Variants in CRIPT observed in about 807,000 individuals in gnomAD.
CRIPT encodes cysteine-rich PDZ-binding protein.
CRIPT carries 20 observed loss-of-function variants against 16.6 expected under a neutral mutation model. That is an observed-to-expected ratio of 1.20 (90% CI 0.85 to 1.75). The LOEUF is 1.75. CRIPT is among the 40% of genes most tolerant of loss of function. The pLI is 0.00. For synonymous variants in CRIPT, 42 were observed against 37.0 expected (o/e 1.14, Z -0.49); for missense variants, 133 against 115.3 (o/e 1.15, Z -0.70).
At chr2:46,618,627 C>G (rs1374562503) in intron 1 of CRIPT, 146 bp from the exon 2 acceptor site, 4 of 486,782 alleles carry the variant, frequency 8.2e-6, no homozygotes, top group Non-Finnish European at 1.1e-5. Context: ...TAATATGAGT[C>G]TCAGTTGATT....
At position 46,623,847 on chromosome 2, in the gene CRIPT, A is replaced by G. The variant is rs554039395; in HGVS notation, c.221A>G (p.Gln74Arg). The part of the protein sequence containing the change: ...SVHQPGSHYC[Q>R]GCAYKKGICA... Reference sequence around the variant, plus strand: ...CACCAACCAGGTTCTCATTACTGCCAGGGCTGTGCCTACAAAAAAGGTAAG... The same window carrying G: ...CACCAACCAGGTTCTCATTACTGCCGGGGCTGTGCCTACAAAAAAGGTAAG... The change falls in exon 4 of 5, where the codon CAG becomes CGG. Residue 74 changes from glutamine (Q) to arginine (R), a missense_variant. Coordinates refer to ENST00000238892, the MANE Select transcript of CRIPT (RefSeq NM_014171.6). The G allele has an allele frequency of 5.6e-6, 9 of 1,607,646 alleles. No homozygotes were observed. The highest frequency in any genetic ancestry group is 2.2e-5 in the South Asian group (2 of 90,092).
rs972167747 is a variant in CRIPT at position 46,624,346 on chromosome 2, A to G, written c.*119A>G. ...AAGATAATTAAGTTTAAACCAGAGA[A>G]TTTGATTGTTACTCATTTTGCTCTC... On this transcript the variant is annotated 3_prime_UTR_variant, in exon 5 of 5. Transcript: ENST00000238892. 4 of 552,524 alleles carry G rather than the reference A, an allele frequency of 7.2e-6. No individual in the cohort carries two copies. The Admixed American group carries it at 1.4e-4, about 20-fold the overall frequency. 34.2% of individuals were successfully genotyped at this position (552,524 alleles called of 1,614,324 possible). A position where few individuals can be genotyped will look rare whatever the true frequency, so the allele number is the denominator to read the frequency against.
At chr2:46,622,192 AC>A (rs1233418354) in intron 3 of CRIPT, among the ~76,000 whole-genome samples, 5 of 151,646 alleles carry the variant, frequency 3.3e-5, no homozygotes, top group African/African-American at 9.7e-5. Flanking sequence ...ACATGGTGAA[AC>A]CCTGTCTCTA....
rs6727471 is a variant in CRIPT, at chr2:46,628,364, C to T, written c.*4137C>T. Among the ~76,000 whole-genome samples, 23,465 of 151,828 alleles carry T rather than the reference C, an allele frequency of 0.15. 2,765 individuals are homozygous for T. The highest frequency in any genetic ancestry group is 0.33 in the African/African-American group (13,722 of 41,292). On this transcript the variant is annotated 3_prime_UTR_variant, in exon 5 of 5. Coordinates refer to ENST00000238892, the MANE Select transcript of CRIPT (RefSeq NM_014171.6). ...TGACGTTGTGATCCACCCGCCTCAGCCTCCCAAAGTGCTGGGATTACAGGC... is the reference window on the plus strand; with the variant it reads ...TGACGTTGTGATCCACCCGCCTCAGTCTCCCAAAGTGCTGGGATTACAGGC...
rs1273322109 is a variant in CRIPT at position 46,627,657 on chromosome 2, C to G, written c.*3430C>G. 1.3e-5 allele frequency among the ~76,000 whole-genome samples: 2 copies of G among 152,120 alleles called. No individual in the cohort carries two copies. Among genetic ancestry groups the G allele is most frequent in the Non-Finnish European group, 2.9e-5 (2 of 68,014 alleles). On this transcript the variant is annotated 3_prime_UTR_variant, in exon 5 of 5. Coordinates refer to ENST00000238892, the MANE Select transcript of CRIPT (RefSeq NM_014171.6). ...ATGGGGTTTTACCATGTTGGCCAGG[C>G]TGGTCTTGAATTCCGAGCCTCAAGT... is the stretch of plus-strand genomic sequence containing the variant.
chr2:46,628,005 A>G lies in CRIPT; in HGVS notation c.*3778A>G, dbSNP rs77536788. Among the ~76,000 whole-genome samples, 518 of 152,008 alleles carry G rather than the reference A, an allele frequency of 3.4e-3. 4 individuals are homozygous for G. Among genetic ancestry groups the G allele is most frequent in the African/African-American group, 0.012 (482 of 41,462 alleles). The stretch of plus-strand genomic sequence containing the variant: ...TGTACCATGCTGTTTTGGTTACTGT[A>G]GCTTCCTTATAGTATAGTTTAACTC... On this transcript the variant is annotated 3_prime_UTR_variant, in exon 5 of 5. Transcript: ENST00000238892.
rs1406640275 is a variant in CRIPT, at chr2:46,628,619, TTGAG to T, written c.*4394_*4397del. 1.3e-5 allele frequency among the ~76,000 whole-genome samples: 2 copies of T among 152,334 alleles called. No individual in the cohort carries two copies. The highest frequency in any genetic ancestry group is 2.9e-5 in the Non-Finnish European group (2 of 68,022). ...CCAGCTCACATTTTATCTTCATACTTTGAGTAGCCTCCTTCCATGAATGGATCAT... is the reference window on the plus strand; with the variant it reads ...CCAGCTCACATTTTATCTTCATACTTTAGCCTCCTTCCATGAATGGATCAT... On this transcript the variant is annotated 3_prime_UTR_variant, in exon 5 of 5. Transcript: ENST00000238892.
chr2:46,623,940 G>A, intron 4 of CRIPT, 73 bp downstream of exon 4: 1 of 1,057,486 alleles, frequency 9.5e-7, no homozygotes, highest in Non-Finnish European at 1.4e-6. Context: ...TAACAGAAAA[G>A]ATGTAGCCTG....
intron 3 of CRIPT, among the ~76,000 whole-genome samples, chr2:46,622,889 A>T (rs573788377): frequency 1.2e-4 from 18 of 152,092 alleles, no homozygotes; most frequent in African/African-American, 4.3e-4. Context: ...TACCCAAGAG[A>T]AGACACCAGT....
Position 46,617,268 on chromosome 2 carries a change from C to T in CRIPT, c.-15C>T. 6.4e-7 allele frequency: 1 copy of T among 1,554,566 alleles called. No individual in the cohort carries two copies. Among genetic ancestry groups the T allele is most frequent in the Non-Finnish European group, 8.7e-7 (1 of 1,148,084 alleles). Reference sequence around the variant, plus strand: ...GCTGCTGCTGTTGCGGCTAGGGGAACCGTCGTGGGGAAGGATGGTGTGCGA... The same window carrying T: ...GCTGCTGCTGTTGCGGCTAGGGGAATCGTCGTGGGGAAGGATGGTGTGCGA... On this transcript the variant is annotated 5_prime_UTR_variant, in exon 1 of 5. Transcript: ENST00000238892.
At chr2:46,619,786 G>C in intron 3 of CRIPT, 105 bp downstream of exon 3, 1 of 856,602 alleles carries the variant, frequency 1.2e-6, no homozygotes, top group Non-Finnish European at 1.9e-6. Flanking sequence ...ATAAAACAGA[G>C]TTAGGTGGTT....
rs1326522370 is a variant in CRIPT at position 46,625,714 on chromosome 2, GA to G, written c.*1489del. 1.3e-5 allele frequency: 2 copies of G among 152,012 alleles called. No homozygotes were observed. The highest frequency in any genetic ancestry group is 4.8e-5 in the African/African-American group (2 of 41,376). 9.4% of individuals were successfully genotyped at this position (152,012 alleles called of 1,614,324 possible). A position where few individuals can be genotyped will look rare whatever the true frequency, so the allele number is the denominator to read the frequency against. On this transcript the variant is annotated 3_prime_UTR_variant, in exon 5 of 5. Transcript: ENST00000238892. The stretch of plus-strand genomic sequence containing the variant: ...CCAGAAAAATTACAAGGATAATACA[GA>G]ATATAATAAATAATTTATCTGAGAG...
intron 3 of CRIPT, among the ~76,000 whole-genome samples, chr2:46,621,566 CCTTA>C (rs1670804472): frequency 6.6e-6 from 1 of 152,144 alleles, no homozygotes; most frequent in African/African-American, 2.4e-5. Flanking sequence ...TTGTCTGTTT[CCTTA>C]CTTACTGTTT....
Position 46,624,143 on chromosome 2 carries a change from C to G in CRIPT, c.242-20C>G. On this transcript the variant is annotated intron_variant, in intron 4 of 4. Coordinates refer to ENST00000238892, the MANE Select transcript of CRIPT (RefSeq NM_014171.6). The stretch of plus-strand genomic sequence containing the variant: ...GTTGGTATTATGATTTGATTGATCA[C>G]ATATCTTCTTTTGTTTCAGGCATCT... The G allele has an allele frequency of 2.0e-6, 3 of 1,536,562 alleles. No individual in the cohort carries two copies. In the South Asian group the frequency reaches 3.8e-5, roughly 19 times the overall value.
In CRIPT at chr2:46,629,794, T is replaced by G. The variant is rs986219826; in HGVS notation, c.*5567T>G. ...ATCGTTATTGTTTTTCCTTTTGCAA[T>G]TAGTGGGTAATTTGTGAGGAGAAAC... On this transcript the variant is annotated 3_prime_UTR_variant, in exon 5 of 5. Coordinates refer to ENST00000238892, the MANE Select transcript of CRIPT (RefSeq NM_014171.6). 1.3e-5 allele frequency among the ~76,000 whole-genome samples: 2 copies of G among 152,234 alleles called. No individual in the cohort carries two copies. Among genetic ancestry groups the G allele is most frequent in the Non-Finnish European group, 2.9e-5 (2 of 68,046 alleles).
rs2104186476 is a variant in CRIPT at position 46,629,888 on chromosome 2, A to G, written c.*5661A>G. Among the ~76,000 whole-genome samples, 2 of 152,276 alleles carry G rather than the reference A, an allele frequency of 1.3e-5. No homozygotes were observed. Among genetic ancestry groups the G allele is most frequent in the South Asian group, 4.2e-4 (2 of 4,818 alleles). ...CTCCTAGGTTTAGCATCCTTTGACG[A>G]TTCTTGTCTGAATAAATTTTTACTA... On this transcript the variant is annotated 3_prime_UTR_variant, in exon 5 of 5. Transcript: ENST00000238892.
In CRIPT at chr2:46,617,256, C is replaced by T. The variant is rs376513299; in HGVS notation, c.-27C>T. 15 of 1,553,816 alleles carry T rather than the reference C, an allele frequency of 9.7e-6. No homozygotes were observed. The highest frequency in any genetic ancestry group is 1.7e-4 in the Middle Eastern group (1 of 5,970). On this transcript the variant is annotated 5_prime_UTR_variant, in exon 1 of 5. Coordinates refer to ENST00000238892, the MANE Select transcript of CRIPT (RefSeq NM_014171.6). ...CAGCCTGCTGCTGCTGCTGCTGTTG[C>T]GGCTAGGGGAACCGTCGTGGGGAAG... is the stretch of plus-strand genomic sequence containing the variant.
At chr2:46,617,358 C>T (rs1670686534) in intron 1 of CRIPT, 60 bp downstream of exon 1, 1 of 1,527,000 alleles carries the variant, frequency 6.5e-7, no homozygotes, top group Non-Finnish European at 8.8e-7. Flanking sequence ...CTGAGCTCTC[C>T]CGGGAACTTT....
rs959022110 is a variant in CRIPT, at chr2:46,630,172, A to G, written c.*5945A>G. Among the ~76,000 whole-genome samples the G allele has an allele frequency of 1.3e-5, 2 of 151,970 alleles. No individual in the cohort carries two copies. The highest frequency in any genetic ancestry group is 4.8e-5 in the African/African-American group (2 of 41,358). On this transcript the variant is annotated 3_prime_UTR_variant, in exon 5 of 5. Transcript: ENST00000238892. The stretch of plus-strand genomic sequence containing the variant: ...ATCAGAAAATTAACATTAATACTTT[A>G]CTATTATCAAATCTTTTTCATATTT...
Sources: gnomAD v4.1 joint callset for allele counts (sites outside exome capture counted in the v4.1 genomes callset) on GRCh38, gnomAD v4.1.1 for gene constraint, MANE v1.5 for transcripts, NCBI Gene and HGNC (gene_info 2026-07-23, HGNC 2026-07-21) for gene names.